PTPRN2: variants seen among roughly 807,000 people sequenced by gnomAD.
PTPRN2 encodes receptor-type tyrosine-protein phosphatase N2.
A neutral mutation model predicts 118.8 loss-of-function variants in PTPRN2; 74 were observed. The ratio of observed to expected loss-of-function variants is 0.62; its 90% CI spans 0.52 to 0.76. The LOEUF is 0.76. Among genes scored for constraint, PTPRN2 ranks in the 30% least tolerant of loss-of-function variants. The pLI is 0.00. For missense variants in PTPRN2, 1,481 were observed against 1,394.4 expected (o/e 1.06, Z -0.99); for synonymous variants, 641 against 608.0 (o/e 1.05, Z -0.80).
intron 2 of PTPRN2, among the ~76,000 whole-genome samples, chr7:158,368,219 G>A (rs1809680729): frequency 6.6e-6 from 1 of 152,152 alleles, no homozygotes; most frequent in Non-Finnish European, 1.5e-5. Context: ...GGCCTCCCAG[G>A]ATATTCGGCA....
chr7:157,827,290 A>G (rs1304993026), intron 12 of PTPRN2, among the ~76,000 whole-genome samples: 1 of 152,134 alleles, frequency 6.6e-6, no homozygotes, highest in African/African-American at 2.4e-5. Context: ...TTGAGCCCTC[A>G]TATTATCTCA....
intron 19 of PTPRN2, among the ~76,000 whole-genome samples, chr7:157,573,922 G>A (rs1043114582): frequency 6.6e-6 from 1 of 152,214 alleles, no homozygotes; most frequent in African/African-American, 2.4e-5. Context: ...GACATGTGCA[G>A]TGTAGATACA....
In PTPRN2 at chr7:157,610,313, C is replaced by T. The variant is rs533890037; in HGVS notation, c.2345-6238G>A. Among the ~76,000 whole-genome samples, 15 of 152,314 alleles carry T rather than the reference C, an allele frequency of 9.8e-5. No homozygotes were observed. In the South Asian group the frequency reaches 1.2e-3, roughly 13 times the overall value. On this transcript the variant is annotated intron_variant, in intron 15 of 22. Coordinates refer to ENST00000389418, the MANE Select transcript of PTPRN2 (RefSeq NM_002847.5). This position sits in a 1 kb window ranked among gnomAD's most constrained non-coding sequence, Gnocchi z 5.1. Reference sequence around the variant, plus strand: ...CACTCAGGGGTCTCAGGTGTTCTCTCGGGCTCTCCAACTGCCTCTGCTTTC... The same window carrying T: ...CACTCAGGGGTCTCAGGTGTTCTCTTGGGCTCTCCAACTGCCTCTGCTTTC...
chr7:158,100,608 G>T (rs1815156720), intron 10 of PTPRN2, among the ~76,000 whole-genome samples: 1 of 152,158 alleles, frequency 6.6e-6, no homozygotes, highest in South Asian at 2.1e-4. Context: ...CAGGAGTAAG[G>T]TGGTATAACA....
chr7:158,175,223 C>T (rs959569531), intron 5 of PTPRN2, among the ~76,000 whole-genome samples: 4 of 152,348 alleles, frequency 2.6e-5, no homozygotes, highest in African/African-American at 9.6e-5. Context: ...TGACAGGCAC[C>T]TTGATCACGG....
chr7:158,454,460 G>A (rs187098014), intron 2 of PTPRN2, among the ~76,000 whole-genome samples: 26 of 147,718 alleles, frequency 1.8e-4, no homozygotes, highest in Admixed American at 1.3e-3. Context: ...GATTGGGGAC[G>A]GTTGCTACAG....
rs770385071 is a variant in PTPRN2 at position 157,986,821 on chromosome 7, C to T, written c.1724-88084G>A. 6.6e-6 allele frequency among the ~76,000 whole-genome samples: 1 copy of T among 152,088 alleles called. No individual in the cohort carries two copies. The highest frequency in any genetic ancestry group is 1.5e-5 in the Non-Finnish European group (1 of 68,002). On this transcript the variant is annotated intron_variant, in intron 11 of 22. Coordinates refer to ENST00000389418, the MANE Select transcript of PTPRN2 (RefSeq NM_002847.5). The surrounding 1 kb of genome is among the most constrained non-coding windows in gnomAD (Gnocchi z 4.5). Reference sequence around the variant, plus strand: ...ACATTTTGGAGCAGGTGGTCGGTGCCCACCCACTGACAGGAGCTGCCGGTT... The same window carrying T: ...ACATTTTGGAGCAGGTGGTCGGTGCTCACCCACTGACAGGAGCTGCCGGTT...
chr7:158,241,325 G>A (rs895594157), intron 3 of PTPRN2, among the ~76,000 whole-genome samples: 5 of 152,054 alleles, frequency 3.3e-5, no homozygotes, highest in African/African-American at 9.7e-5. Flanking sequence ...GACCAGCCTG[G>A]CCAACATGGC....
intron 12 of PTPRN2, among the ~76,000 whole-genome samples, chr7:157,825,941 T>G (rs575588893): frequency 1.3e-5 from 2 of 152,318 alleles, no homozygotes; most frequent in African/African-American, 4.8e-5. Flanking sequence ...GATGCTCTTT[T>G]GTACACTGAG....
chr7:158,271,124 C>T (rs971682624), intron 3 of PTPRN2, among the ~76,000 whole-genome samples: 1 of 138,196 alleles, frequency 7.2e-6, no homozygotes, highest in Non-Finnish European at 1.6e-5. Flanking sequence ...ACCACCCCCT[C>T]CACCTGGGGT....
In PTPRN2 at chr7:157,831,615, C is replaced by T. The variant is rs531673948; in HGVS notation, c.1788+67058G>A. Among the ~76,000 whole-genome samples, 562 of 152,288 alleles carry T rather than the reference C, an allele frequency of 3.7e-3. 3 individuals are homozygous for T. Among genetic ancestry groups the T allele is most frequent in the African/African-American group, 0.013 (530 of 41,572 alleles). On this transcript the variant is annotated intron_variant, in intron 12 of 22. Transcript: ENST00000389418. This position sits in a 1 kb window ranked among gnomAD's most constrained non-coding sequence, Gnocchi z 4.8. ...GTGAGCATTTCAGAGCCATCTCCAC[C>T]TGTCAGAACGAGCAGGAAGACATCC...
At chr7:157,686,445 T>G (rs1373445627) in intron 12 of PTPRN2, among the ~76,000 whole-genome samples, 3 of 152,222 alleles carry the variant, frequency 2.0e-5, no homozygotes, top group Non-Finnish European at 2.9e-5. Flanking sequence ...TTCAAACTCC[T>G]GCTAGCCATG....
intron 21 of PTPRN2, among the ~76,000 whole-genome samples, chr7:157,552,017 G>C (rs1373358974): frequency 3.2e-5 from 4 of 126,910 alleles, no homozygotes; most frequent in Non-Finnish European, 5.0e-5. Flanking sequence ...CCCACAGCCA[G>C]CACCCAACCC....
chr7:157,592,258 A>G (rs762921895), intron 17 of PTPRN2, among the ~76,000 whole-genome samples: 16 of 152,264 alleles, frequency 1.1e-4, no homozygotes, highest in African/African-American at 2.4e-4. Flanking sequence ...GCAACTATCC[A>G]TAATAAACAG....
chr7:158,248,926 C>T (rs1051971315), intron 3 of PTPRN2, among the ~76,000 whole-genome samples: 12 of 151,234 alleles, frequency 7.9e-5, no homozygotes, highest in Admixed American at 7.9e-4. Context: ...ACACAGTGCA[C>T]ACATGCCACA....
At chr7:157,556,785 C>T (rs1229632662) in intron 21 of PTPRN2, among the ~76,000 whole-genome samples, 1 of 148,678 alleles carries the variant, frequency 6.7e-6, no homozygotes, top group African/African-American at 2.5e-5. Flanking sequence ...ATGCACACGC[C>T]CACAACATGC....
At position 157,763,088 on chromosome 7, in the gene PTPRN2, A is replaced by C. The variant is rs1459365237; in HGVS notation, c.1789-80151T>G. ...CCCACGGCCGCCCACTCATGGTCAC[A>C]GAGCTAACCATCAGAGCCCACGGCC... On this transcript the variant is annotated intron_variant, in intron 12 of 22. Coordinates refer to ENST00000389418, the MANE Select transcript of PTPRN2 (RefSeq NM_002847.5). This position sits in a 1 kb window ranked among gnomAD's most constrained non-coding sequence, Gnocchi z 4.9. Among the ~76,000 whole-genome samples the C allele has an allele frequency of 7.7e-6, 1 of 130,082 alleles. No individual in the cohort carries two copies. The highest frequency in any genetic ancestry group is 1.7e-5 in the Non-Finnish European group (1 of 59,656). The allele number at this position is 130,082 out of a possible 152,430, so 85.3% of individuals were successfully genotyped here.
At chr7:158,245,273 G>A (rs531958653) in intron 3 of PTPRN2, among the ~76,000 whole-genome samples, 1 of 151,320 alleles carries the variant, frequency 6.6e-6, no homozygotes, top group Admixed American at 6.6e-5. Flanking sequence ...CGGTCATGCC[G>A]GAACCCATGG....
intron 2 of PTPRN2, 42 bp downstream of exon 2, chr7:158,489,693 G>A (rs1400161469): frequency 1.3e-6 from 2 of 1,544,030 alleles, no homozygotes; most frequent in Admixed American, 1.9e-5. Flanking sequence ...GCGGGCAGGA[G>A]AGGGGCAGAC....
Sources: gnomAD v4.1 joint callset for allele counts (sites outside exome capture counted in the v4.1 genomes callset) on GRCh38, gnomAD v4.1.1 for gene constraint, Gnocchi (gnomAD v3.1) non-coding constraint, MANE v1.5 for transcripts, NCBI Gene and HGNC (gene_info 2026-07-23, HGNC 2026-07-21) for gene names.